Variants in VAV2 observed in about 807,000 individuals in gnomAD.
The protein encoded by VAV2 is guanine nucleotide exchange factor VAV2.
A neutral mutation model predicts 132.5 loss-of-function variants in VAV2; 67 were observed. The observed-to-expected ratio is 0.51, with a 90% CI of 0.42 to 0.62. VAV2 has a LOEUF of 0.62. Ranked by LOEUF, VAV2 falls within the 20% of genes least tolerant of loss-of-function variation. VAV2 has a pLI of 0.00. For synonymous variants in VAV2, 492 were observed against 443.5 expected, an observed-to-expected ratio of 1.11 and a Z score of -1.37; for missense variants, 938 against 1,153.6, an observed-to-expected ratio of 0.81 and a Z score of 2.71.
chr9:133,948,558 C>T (rs183966533), intron 1 of VAV2, among the ~76,000 whole-genome samples: 1 of 145,454 alleles, frequency 6.9e-6, no homozygotes, highest in Non-Finnish European at 1.5e-5. Context: ...GAGCTCCCCC[C>T]ACCAAGAGCA....
At chr9:133,805,219 A>G (rs1388040644) in intron 9 of VAV2, among the ~76,000 whole-genome samples, 3 of 152,060 alleles carry the variant, frequency 2.0e-5, no homozygotes, top group Non-Finnish European at 1.5e-5. Flanking sequence ...GGTAAGATGC[A>G]CCTGTGGGGT....
chr9:133,907,534 G>C (rs571082164), intron 2 of VAV2, among the ~76,000 whole-genome samples: 1 of 152,284 alleles, frequency 6.6e-6, no homozygotes, highest in South Asian at 2.1e-4. Flanking sequence ...CTAGCTCCTC[G>C]GCTGACTAAC....
intron 2 of VAV2, among the ~76,000 whole-genome samples, chr9:133,864,650 A>C (rs1463183460): frequency 6.6e-6 from 1 of 152,226 alleles, no homozygotes; most frequent in Non-Finnish European, 1.5e-5. Context: ...GGGCCTGGGA[A>C]TCTGCATTTA....
Position 133,768,703 on chromosome 9 carries a change from G to A in VAV2, c.2435-107C>T. ...TCTCTCCCCTGGTGCCCAGAACCCT[G>A]CTCTGTACCCAGAGAGGAAGGATGT... On this transcript the variant is annotated intron_variant, in intron 28 of 29. Coordinates refer to ENST00000371850, the MANE Select transcript of VAV2 (RefSeq NM_001134398.2). This position sits in a 1 kb window ranked among gnomAD's most constrained non-coding sequence, Gnocchi z 5.3. The A allele has an allele frequency of 7.3e-7, 1 of 1,368,130 alleles. No individual in the cohort carries two copies. The highest frequency in any genetic ancestry group is 9.8e-7 in the Non-Finnish European group (1 of 1,020,158). The allele number at this position is 1,368,130 out of a possible 1,614,324, so 84.7% of individuals were successfully genotyped here. A position where few individuals can be genotyped will look rare whatever the true frequency, so the allele number is the denominator to read the frequency against.
intron 2 of VAV2, among the ~76,000 whole-genome samples, chr9:133,894,844 C>T (rs80327689): frequency 0.012 from 1,832 of 152,294 alleles, 30 homozygotes; most frequent in African/African-American, 0.039. Flanking sequence ...CCTGCCATGA[C>T]GCTATGACCC....
At position 133,969,687 on chromosome 9, in the gene VAV2, C is replaced by T. The variant is rs548492563; in HGVS notation, c.204+22388G>A. ...CTCAAGCCTGACCCCAGAGCACCCT[C>T]TTCATCACCCAAGTCCAATCCACCC... On this transcript the variant is annotated intron_variant, in intron 1 of 29. Transcript: ENST00000371850. The surrounding 1 kb of genome is among the most constrained non-coding windows in gnomAD (Gnocchi z 5.1). Among the ~76,000 whole-genome samples, 26 of 152,282 alleles carry T rather than the reference C, an allele frequency of 1.7e-4. No homozygotes were observed. In the South Asian group the frequency reaches 4.1e-3, roughly 24 times the overall value.
intron 2 of VAV2, among the ~76,000 whole-genome samples, chr9:133,898,355 G>A (rs1839298897): frequency 6.6e-6 from 1 of 152,068 alleles, no homozygotes; most frequent in South Asian, 2.1e-4. Flanking sequence ...TTGGGAGGCT[G>A]AGGTGGGCGG....
chr9:133,850,855 T>C (rs1039003013), intron 3 of VAV2, among the ~76,000 whole-genome samples: 3 of 152,214 alleles, frequency 2.0e-5, no homozygotes, highest in African/African-American at 7.2e-5. Flanking sequence ...ACAAGTGACA[T>C]TTGTCCACGA....
At chr9:133,791,651 G>T in intron 13 of VAV2, 132 bp downstream of exon 13, 1 of 773,780 alleles carries the variant, frequency 1.3e-6, no homozygotes. Context: ...AGAAGTTGCC[G>T]GGCACCAGCC....
At position 133,826,464 on chromosome 9, in the gene VAV2, T is replaced by G. The variant is rs2131747257; in HGVS notation, c.449+7808A>C. On this transcript the variant is annotated intron_variant, in intron 4 of 29. Coordinates refer to ENST00000371850, the MANE Select transcript of VAV2 (RefSeq NM_001134398.2). This position sits in a 1 kb window ranked among gnomAD's most constrained non-coding sequence, Gnocchi z 4.2. ...GTTCCTGACAGAGCCTGGCTGTGTC[T>G]AGGATCACTCCCTCCTCATGCAGCC... 6.6e-6 allele frequency among the ~76,000 whole-genome samples: 1 copy of G among 152,306 alleles called. No homozygotes were observed. The highest frequency in any genetic ancestry group is 2.1e-4 in the South Asian group (1 of 4,828).
intron 2 of VAV2, among the ~76,000 whole-genome samples, chr9:133,867,943 C>T (rs568218091): frequency 6.6e-6 from 1 of 152,230 alleles, no homozygotes; most frequent in Non-Finnish European, 1.5e-5. Context: ...ACACCGCCTA[C>T]AGGAATTGCT....
intron 2 of VAV2, among the ~76,000 whole-genome samples, chr9:133,896,694 T>A (rs1231654344): frequency 6.6e-6 from 1 of 152,192 alleles, no homozygotes; most frequent in East Asian, 1.9e-4. Flanking sequence ...TCTGGTTTGA[T>A]TTCAGAAATT....
intron 2 of VAV2, among the ~76,000 whole-genome samples, chr9:133,903,864 C>T (rs1414492021): frequency 1.3e-5 from 2 of 152,028 alleles, no homozygotes; most frequent in African/African-American, 4.8e-5. Flanking sequence ...AGCTTGAAAG[C>T]CAGGGGAAGA....
In VAV2 at chr9:133,779,035, T is replaced by G. The variant is rs1044154646; in HGVS notation, c.1763-146A>C. On this transcript the variant is annotated intron_variant, in intron 21 of 29. Transcript: ENST00000371850. ...CCTGCATCTCCCTTCCCTAAATCCT[T>G]CCCATAAGCCTCATGTCTTTTTGAT... 2.0e-5 allele frequency: 20 copies of G among 1,023,154 alleles called. No individual in the cohort carries two copies. The African/African-American group carries it at 3.2e-4, about 17-fold the overall frequency. 63.4% of individuals were successfully genotyped at this position (1,023,154 alleles called of 1,614,324 possible). A position where few individuals can be genotyped will look rare whatever the true frequency, so the allele number is the denominator to read the frequency against.
intron 4 of VAV2, among the ~76,000 whole-genome samples, chr9:133,832,806 G>A (rs1033496678): frequency 2.6e-5 from 4 of 152,048 alleles, no homozygotes; most frequent in African/African-American, 7.2e-5. Context: ...TGATCCGCCC[G>A]CCTCAGCCTC....
At chr9:133,923,191 G>A (rs1037254806) in intron 2 of VAV2, among the ~76,000 whole-genome samples, 3 of 152,186 alleles carry the variant, frequency 2.0e-5, no homozygotes, top group Non-Finnish European at 4.4e-5. Context: ...AAAAAGACAC[G>A]TGTTGGTGAA....
chr9:133,817,902 G>C (rs1835624873), intron 4 of VAV2, among the ~76,000 whole-genome samples: 1 of 152,140 alleles, frequency 6.6e-6, no homozygotes, highest in Non-Finnish European at 1.5e-5. Context: ...ATGTGAATTT[G>C]ACTGGGCTAA....
At chr9:133,973,322 C>A (rs1334001107) in intron 1 of VAV2, among the ~76,000 whole-genome samples, 3 of 152,178 alleles carry the variant, frequency 2.0e-5, no homozygotes, top group Admixed American at 2.0e-4. Flanking sequence ...CCGCGAAACT[C>A]GGAGTTCAGA....
At chr9:133,767,174 T>C (rs1833465800) in intron 29 of VAV2, among the ~76,000 whole-genome samples, 1 of 152,152 alleles carries the variant, frequency 6.6e-6, no homozygotes, top group Admixed American at 6.5e-5. Flanking sequence ...TATATGCCTA[T>C]TAAAAGCCAA....
Sources: allele counts gnomAD v4.1 joint callset (sites outside exome capture counted in the v4.1 genomes callset), GRCh38; gene constraint gnomAD v4.1.1; non-coding constraint Gnocchi (gnomAD v3.1); transcripts MANE v1.5; gene names NCBI Gene and HGNC (gene_info 2026-07-23, HGNC 2026-07-21).